The following ACSM5 variants were observed in gnomAD, a reference collection of about 807,000 sequenced individuals.
ACSM5 encodes the protein acyl-CoA synthetase medium chain family member 5.
Under a neutral mutation model 71.6 loss-of-function variants are expected in ACSM5, and 56 were observed. The ratio of observed to expected loss-of-function variants is 0.78; its 90% CI spans 0.63 to 0.98. ACSM5 has a LOEUF of 0.98. ACSM5 is among the 50% of genes least tolerant of loss of function. The pLI is 0.00. For synonymous variants in ACSM5, 285 were observed against 281.5 expected (o/e 1.01, Z -0.12); for missense variants, 723 against 726.0 (o/e 1.00, Z 0.05).
intron 12 of ACSM5, among the ~76,000 whole-genome samples, chr16:20,438,954 TAA>T (rs1275195181): frequency 0.24 from 21,363 of 90,510 alleles, 2,543 homozygotes; most frequent in East Asian, 0.5. Flanking sequence ...GACTCTGTCT[TAA>T]AAAAAAAAAA....
At position 20,418,243 on chromosome 16, in the gene ACSM5, T is replaced by C. The variant is rs1337754165; in HGVS notation, c.389T>C (p.Leu130Pro). The C allele has an allele frequency of 5.0e-6, 8 of 1,611,990 alleles. No homozygotes were observed. The highest frequency in any genetic ancestry group is 6.8e-6 in the Non-Finnish European group (8 of 1,179,730). The part of the protein sequence containing the change: ...LVLPRLPEWW[L>P]VSVACMRTGT... Reference sequence around the variant, plus strand: ...CTCCCACGGCTCCCGGAGTGGTGGCTGGTCAGTGTGGCTTGCATGCGGACA... The same window carrying C: ...CTCCCACGGCTCCCGGAGTGGTGGCCGGTCAGTGTGGCTTGCATGCGGACA... The change falls in exon 3 of 14, where the codon CTG (leucine) becomes CCG (proline). Residue 130 changes from leucine (L) to proline (P), a missense_variant. Leu to Pro is a moderately conservative substitution (Grantham distance 98). Coordinates refer to ENST00000331849, the MANE Select transcript of ACSM5 (RefSeq NM_017888.3).
At chr16:20,418,858 A>G (rs548656903) in intron 3 of ACSM5, among the ~76,000 whole-genome samples, 1 of 152,218 alleles carries the variant, frequency 6.6e-6, no homozygotes. Context: ...TCCCAAAGGA[A>G]GGAAGATAAA....
intron 10 of ACSM5, among the ~76,000 whole-genome samples, chr16:20,435,387 T>G (rs1967171893): frequency 6.6e-6 from 1 of 152,258 alleles, no homozygotes; most frequent in African/African-American, 2.4e-5. Flanking sequence ...TGTAGAGTTT[T>G]AAGTTTTCTC....
chr16:20,426,714 T>C (rs1252352253), intron 6 of ACSM5, among the ~76,000 whole-genome samples: 2 of 152,158 alleles, frequency 1.3e-5, no homozygotes, highest in Non-Finnish European at 2.9e-5. Flanking sequence ...GTCAAATTCA[T>C]AGAGACAGAA....
In ACSM5 at chr16:20,429,688, C is replaced by G; in HGVS notation, c.1012C>G (p.Gln338Glu). ...VQEDLTRYQF[Q>E]SLRHCLTGGE... Reference sequence around the variant, plus strand: ...TCCTGTCTGAGAAAGGTACCAGTTTCAGAGCCTGAGGCACTGTCTGACCGG... The same window carrying G: ...TCCTGTCTGAGAAAGGTACCAGTTTGAGAGCCTGAGGCACTGTCTGACCGG... The change falls in exon 8 of 14, where the codon CAG becomes GAG. Residue 338 changes from glutamine to glutamate, a missense_variant. Coordinates refer to ENST00000331849, the MANE Select transcript of ACSM5 (RefSeq NM_017888.3). 1 of 1,613,956 alleles carries G rather than the reference C, an allele frequency of 6.2e-7. No homozygotes were observed.
At chr16:20,419,138 C>T in intron 3 of ACSM5, 90 bp from the exon 4 acceptor site, 3 of 1,197,768 alleles carry the variant, frequency 2.5e-6, no homozygotes, top group South Asian at 1.3e-5. Context: ...CATTCCAACC[C>T]TCCCCAGCCC....
chr16:20,419,469 G>A (rs774633444), intron 4 of ACSM5, 34 bp downstream of exon 4: 15 of 1,599,762 alleles, frequency 9.4e-6, no homozygotes, highest in Non-Finnish European at 1.1e-5. Context: ...GCAGAAAAAT[G>A]AAGTCATTTC....
intron 6 of ACSM5, among the ~76,000 whole-genome samples, chr16:20,427,050 C>A (rs1368541543): frequency 6.6e-6 from 1 of 151,546 alleles, no homozygotes. Flanking sequence ...TACCTGTAAT[C>A]CCAGCACTTT....
chr16:20,438,684 G>A (rs1967252159), intron 12 of ACSM5, among the ~76,000 whole-genome samples: 1 of 151,560 alleles, frequency 6.6e-6, no homozygotes, highest in Non-Finnish European at 1.5e-5. Context: ...AGCCGGACAC[G>A]GTGGCTCATG....
intron 2 of ACSM5, among the ~76,000 whole-genome samples, chr16:20,417,793 A>G (rs1295776049): frequency 1.3e-5 from 2 of 152,200 alleles, no homozygotes; most frequent in Non-Finnish European, 2.9e-5. Flanking sequence ...AGAAAAAAAT[A>G]TATGCTTGTG....
intron 12 of ACSM5, among the ~76,000 whole-genome samples, chr16:20,438,850 G>A (rs1427874325): frequency 2.6e-5 from 4 of 150,954 alleles, no homozygotes; most frequent in Non-Finnish European, 4.4e-5. Flanking sequence ...AGCTACTCGG[G>A]AGGCTGAGGC....
At chr16:20,416,174 A>T (rs57466174) in intron 2 of ACSM5, among the ~76,000 whole-genome samples, 8,865 of 152,028 alleles carry the variant, frequency 0.058, 505 homozygotes, top group African/African-American at 0.15. Context: ...TGAGCTGCAC[A>T]TTTAATGCAA....
intron 12 of ACSM5, among the ~76,000 whole-genome samples, chr16:20,437,984 C>A (rs1280392833): frequency 6.6e-6 from 1 of 152,060 alleles, no homozygotes; most frequent in Non-Finnish European, 1.5e-5. Flanking sequence ...TGTCACCACA[C>A]CTGGCTAATT....
chr16:20,417,579 C>T (rs111330907), intron 2 of ACSM5, among the ~76,000 whole-genome samples: 6,736 of 152,210 alleles, frequency 0.044, 157 homozygotes, highest in South Asian at 0.059. Flanking sequence ...AGCTAATTTG[C>T]ACAATGTTTC....
chr16:20,437,225 G>C, intron 11 of ACSM5, 43 bp from the exon 12 acceptor site: 1 of 1,614,112 alleles, frequency 6.2e-7, no homozygotes, highest in Non-Finnish European at 8.5e-7. Flanking sequence ...TTTCATGGGG[G>C]TTGAGGGAAG....
rs753579397 is a variant in ACSM5 at position 20,418,111 on chromosome 16, C to A, written c.257C>A (p.Ala86Glu). The A allele has an allele frequency of 6.2e-6, 10 of 1,613,704 alleles. No individual in the cohort carries two copies. Among genetic ancestry groups the A allele is most frequent in the Non-Finnish European group, 8.5e-6 (10 of 1,179,966 alleles). The change falls in exon 3 of 14, where the codon GCA (alanine) becomes GAA (glutamate). Residue 86 changes from alanine (A) to glutamate (E), a missense_variant. By Grantham distance (107) the Ala-to-Glu change is moderately radical (BLOSUM62 -1). Coordinates refer to ENST00000331849, the MANE Select transcript of ACSM5 (RefSeq NM_017888.3). Reference protein sequence around the residue: ...PAFWWVNGTGAEIKWSFEELG... With the variant: ...PAFWWVNGTGEEIKWSFEELG... ...TTCTGGTGGGTCAATGGCACAGGAGCAGAGATCAAGTGGAGCTTTGAGGAG... is the reference window on the plus strand; with the variant it reads ...TTCTGGTGGGTCAATGGCACAGGAGAAGAGATCAAGTGGAGCTTTGAGGAG...
At chr16:20,439,498 A>G (rs1967271264) in intron 12 of ACSM5, among the ~76,000 whole-genome samples, 1 of 151,768 alleles carries the variant, frequency 6.6e-6, no homozygotes, top group Non-Finnish European at 1.5e-5. Flanking sequence ...TCTCCAAAAT[A>G]TTTGCTTCTT....
chr16:20,437,910 C>T (rs1967234931), intron 12 of ACSM5, among the ~76,000 whole-genome samples: 1 of 149,800 alleles, frequency 6.7e-6, no homozygotes, highest in African/African-American at 2.5e-5. Flanking sequence ...GCAACCTCCG[C>T]CTCCCAGGTT....
intron 10 of ACSM5, among the ~76,000 whole-genome samples, chr16:20,435,845 TG>T (rs1324175322): frequency 6.6e-6 from 1 of 152,166 alleles, no homozygotes; most frequent in Non-Finnish European, 1.5e-5. Context: ...AGAGTTTCAT[TG>T]TTTTTCTCTT....
Sources: allele counts gnomAD v4.1 joint callset (sites outside exome capture counted in the v4.1 genomes callset), GRCh38; gene constraint gnomAD v4.1.1; transcripts MANE v1.5; gene names NCBI Gene and HGNC (gene_info 2026-07-23, HGNC 2026-07-21).